ITGA11: variants seen among roughly 807,000 people sequenced by gnomAD.
The protein encoded by ITGA11 is integrin subunit alpha 11.
Under a neutral mutation model 141.9 loss-of-function variants are expected in ITGA11, and 97 were observed. The ratio of observed to expected loss-of-function variants is 0.68; its 90% CI spans 0.58 to 0.81. ITGA11 has a LOEUF of 0.81. Among genes scored for constraint, ITGA11 ranks in the 30% least tolerant of loss-of-function variants. The pLI is 0.00. For missense variants in ITGA11, 1,387 were observed against 1,559.2 expected (o/e 0.89, Z 1.86); for synonymous variants, 658 against 624.6 (o/e 1.05, Z -0.80).
At chr15:68,390,481 G>A (rs1044606142) in intron 2 of ITGA11, among the ~76,000 whole-genome samples, 2 of 152,088 alleles carry the variant, frequency 1.3e-5, no homozygotes, top group African/African-American at 2.4e-5. Context: ...TGGAAACAGC[G>A]GATCCTTGGG....
chr15:68,309,810 C>T (rs548702036), intron 26 of ITGA11, among the ~76,000 whole-genome samples: 2 of 152,090 alleles, frequency 1.3e-5, no homozygotes, highest in East Asian at 3.9e-4. Context: ...AGGCTGGTCT[C>T]GAGCTCCTGA....
At chr15:68,357,062 A>C in intron 7 of ITGA11, 89 bp downstream of exon 7, 1 of 1,204,238 alleles carries the variant, frequency 8.3e-7, no homozygotes, top group East Asian at 2.5e-5. Context: ...CAAGGTACTA[A>C]ATTTTGTGGT....
chr15:68,313,398 C>A (rs1174812848), intron 23 of ITGA11, among the ~76,000 whole-genome samples: 1 of 152,176 alleles, frequency 6.6e-6, no homozygotes, highest in Non-Finnish European at 1.5e-5. Flanking sequence ...GATGTGCTGG[C>A]ATAATATGAT....
At chr15:68,369,761 G>C (rs1895530655) in intron 2 of ITGA11, among the ~76,000 whole-genome samples, 1 of 152,244 alleles carries the variant, frequency 6.6e-6, no homozygotes, top group Non-Finnish European at 1.5e-5. Flanking sequence ...CCTTAAAGCT[G>C]GTGCCCCAGA....
At position 68,378,896 on chromosome 15, in the gene ITGA11, C is replaced by A. The variant is rs186940119; in HGVS notation, c.165-9612G>T. On this transcript the variant is annotated intron_variant, in intron 2 of 29. Transcript: ENST00000315757. Reference sequence around the variant, plus strand: ...TTGCACTTGACAACTTTTAGGTCCACCTCAGCTGACATCCAAACAGTGCTT... The same window carrying A: ...TTGCACTTGACAACTTTTAGGTCCAACTCAGCTGACATCCAAACAGTGCTT... Among the ~76,000 whole-genome samples, 8 of 152,260 alleles carry A rather than the reference C, an allele frequency of 5.3e-5. No homozygotes were observed. The East Asian group carries it at 1.5e-3, about 29-fold the overall frequency.
chr15:68,393,178 C>A (rs1896157942), intron 2 of ITGA11, among the ~76,000 whole-genome samples: 1 of 151,994 alleles, frequency 6.6e-6, no homozygotes, highest in Admixed American at 6.6e-5. Context: ...TAGAGGATAT[C>A]TAAATTGTAG....
intron 9 of ITGA11, among the ~76,000 whole-genome samples, chr15:68,349,230 A>G (rs1238026423): frequency 6.6e-6 from 1 of 152,252 alleles, no homozygotes; most frequent in Admixed American, 6.5e-5. Flanking sequence ...AAAGTAAGCA[A>G]AAGTGCACAG....
intron 18 of ITGA11, among the ~76,000 whole-genome samples, chr15:68,323,776 T>G (rs749452048): frequency 6.6e-6 from 1 of 152,200 alleles, no homozygotes; most frequent in Non-Finnish European, 1.5e-5. Flanking sequence ...GTCTGAATCC[T>G]GCCTAGCCTT....
At chr15:68,410,038 C>G (rs777094289) in intron 1 of ITGA11, among the ~76,000 whole-genome samples, 12 of 152,228 alleles carry the variant, frequency 7.9e-5, no homozygotes, top group Non-Finnish European at 1.3e-4. Flanking sequence ...GTCACATGCT[C>G]TAAGATCCTG....
At chr15:68,331,709 T>C (rs922549001) in intron 14 of ITGA11, 150 bp downstream of exon 14, 47 of 704,182 alleles carry the variant, frequency 6.7e-5, no homozygotes, top group Non-Finnish European at 1.1e-4. Flanking sequence ...AAATTTCCAC[T>C]TGGGGAAGCA....
intron 3 of ITGA11, among the ~76,000 whole-genome samples, chr15:68,366,255 C>T (rs1335432651): frequency 6.6e-6 from 1 of 152,090 alleles, no homozygotes; most frequent in Admixed American, 6.5e-5. Context: ...CTTTCAGGAC[C>T]CCTCACGGTC....
intron 2 of ITGA11, among the ~76,000 whole-genome samples, chr15:68,392,631 C>A (rs7173365): frequency 0.38 from 58,406 of 152,078 alleles, 12,186 homozygotes; most frequent in East Asian, 0.55. Flanking sequence ...ACTGGAAAAT[C>A]TATCAGAAAA....
intron 1 of ITGA11, among the ~76,000 whole-genome samples, chr15:68,409,965 G>A (rs565025591): frequency 6.6e-6 from 1 of 152,258 alleles, no homozygotes. Context: ...AATCCTCCCT[G>A]GAGTGGCCTC....
chr15:68,383,139 C>T (rs967766304), intron 2 of ITGA11, among the ~76,000 whole-genome samples: 16 of 152,082 alleles, frequency 1.1e-4, no homozygotes, highest in South Asian at 2.1e-4. Context: ...GGCGTGGTGG[C>T]GGGCACCTGT....
Position 68,303,085 on chromosome 15 carries a change from C to G in ITGA11, c.3541G>C (p.Asp1181His). ...SARRRREPGL[D>H]PTPKVLE ...CACTCCAGCACTTTGGGGGTGGGGTCCAGACCAGGCTCCCTCCTGCGCCTG... is the reference window on the plus strand; with the variant it reads ...CACTCCAGCACTTTGGGGGTGGGGTGCAGACCAGGCTCCCTCCTGCGCCTG... The change falls in exon 30 of 30, where the codon GAC (aspartate) becomes CAC (histidine). Residue 1181 changes from aspartate (D) to histidine (H), a missense_variant. Transcript: ENST00000315757. This position sits in a 1 kb window ranked among gnomAD's most constrained non-coding sequence, Gnocchi z 5.3. The G allele has an allele frequency of 6.4e-7, 1 of 1,550,434 alleles. No individual in the cohort carries two copies. Among genetic ancestry groups the G allele is most frequent in the Non-Finnish European group, 8.7e-7 (1 of 1,146,924 alleles).
chr15:68,300,881 A>C lies in ITGA11; in HGVS notation c.*2178T>G, dbSNP rs539521685. On this transcript the variant is annotated 3_prime_UTR_variant, in exon 30 of 30. Coordinates refer to ENST00000315757, the MANE Select transcript of ITGA11 (RefSeq NM_001004439.2). ...TTTAAAAATATGAATGCCAGCCTCT[A>C]AAAATCAGATATCCATAAGAGCATT... 1.3e-5 allele frequency: 2 copies of C among 152,362 alleles called. No homozygotes were observed. Among genetic ancestry groups the C allele is most frequent in the Admixed American group, 6.5e-5 (1 of 15,308 alleles). The allele number at this position is 152,362 out of a possible 1,614,324, so 9.4% of individuals were successfully genotyped here.
intron 23 of ITGA11, among the ~76,000 whole-genome samples, chr15:68,313,364 G>T (rs1376233157): frequency 6.6e-6 from 1 of 152,180 alleles, no homozygotes; most frequent in Non-Finnish European, 1.5e-5. Flanking sequence ...TTGGGGAAGA[G>T]TCTTTTCCCA....
chr15:68,397,692 ATAT>A (rs549833660), intron 2 of ITGA11, among the ~76,000 whole-genome samples: 578 of 26,570 alleles, frequency 0.022, 32 homozygotes, highest in African/African-American at 0.077. Context: ...TATATTTAAA[ATAT>A]TATATTTAAA....
intron 13 of ITGA11, 104 bp downstream of exon 13, chr15:68,332,234 C>T: frequency 7.2e-7 from 1 of 1,388,668 alleles, no homozygotes; most frequent in Non-Finnish European, 9.8e-7. Flanking sequence ...CCAGGCCTGG[C>T]TCCAGCACTG....
Sources: gnomAD v4.1 joint callset for allele counts (sites outside exome capture counted in the v4.1 genomes callset) on GRCh38, gnomAD v4.1.1 for gene constraint, Gnocchi (gnomAD v3.1) non-coding constraint, MANE v1.5 for transcripts, NCBI Gene and HGNC (gene_info 2026-07-23, HGNC 2026-07-21) for gene names.